Variants in CSMD1 observed in about 807,000 individuals in gnomAD.
CSMD1 encodes CUB and Sushi multiple domains 1, also known as CUB and sushi domain-containing protein 1.
In CSMD1, 213 loss-of-function variants were observed where a neutral mutation model predicts 417.5. That is an observed-to-expected ratio of 0.51 (90% CI 0.46 to 0.57). The LOEUF (loss-of-function observed/expected upper bound fraction) is 0.57, where lower values mean the gene tolerates loss of function less well. Among genes scored for constraint, CSMD1 ranks in the 20% least tolerant of loss-of-function variants. The pLI, the probability that CSMD1 is intolerant of heterozygous loss-of-function variation, is 0.00. For missense variants in CSMD1, 6,923 were observed against 4,529.7 expected, an observed-to-expected ratio of 1.53 and a Z score of -15.17; for synonymous variants, 2,862 against 1,736.8, an observed-to-expected ratio of 1.65 and a Z score of -16.11.
At chr8:4,553,138 G>A (rs1235852457) in intron 2 of CSMD1, among the ~76,000 whole-genome samples, 1 of 152,178 alleles carries the variant, frequency 6.6e-6, no homozygotes, top group African/African-American at 2.4e-5. Context: ...CGTACCTTGT[G>A]AACACCTCAC....
chr8:2,938,867 G>C (rs1801671874), intron 69 of CSMD1, 123 bp from the exon 70 acceptor site: 1 of 773,012 alleles, frequency 1.3e-6, no homozygotes, highest in Non-Finnish European at 2.1e-6. Flanking sequence ...CGTTTGCAAA[G>C]AAGGAAGGCA....
chr8:3,295,721 A>G (rs1584948165), intron 25 of CSMD1, among the ~76,000 whole-genome samples: 1 of 152,160 alleles, frequency 6.6e-6, no homozygotes, highest in East Asian at 1.9e-4. Context: ...TTATATCTTT[A>G]GGAATACCTG....
chr8:4,532,299 G>C (rs113521244), intron 2 of CSMD1, among the ~76,000 whole-genome samples: 58 of 134,182 alleles, frequency 4.3e-4, no homozygotes, highest in African/African-American at 1.5e-3. Context: ...CCCATTCACA[G>C]TCACTCCAGA....
intron 1 of CSMD1, among the ~76,000 whole-genome samples, chr8:4,928,779 T>TA (rs1325538338): frequency 1.3e-5 from 2 of 151,966 alleles, no homozygotes; most frequent in African/African-American, 4.8e-5. Flanking sequence ...GTAATTAAGT[T>TA]AAAATGAGGC....
At chr8:4,366,095 G>C (rs1281609218) in intron 3 of CSMD1, among the ~76,000 whole-genome samples, 1 of 151,958 alleles carries the variant, frequency 6.6e-6, no homozygotes. Context: ...TCCCCACTCA[G>C]GTAGTACCCG....
chr8:3,419,320 C>T (rs1387579375), intron 12 of CSMD1, among the ~76,000 whole-genome samples: 1 of 152,202 alleles, frequency 6.6e-6, no homozygotes, highest in African/African-American at 2.4e-5. Context: ...ATAAAACTAA[C>T]TCCACTGCCG....
intron 5 of CSMD1, among the ~76,000 whole-genome samples, chr8:3,872,882 A>G (rs1563164946): frequency 6.6e-6 from 1 of 152,182 alleles, no homozygotes; most frequent in African/African-American, 2.4e-5. Flanking sequence ...TGCATTAAAA[A>G]GTGGACAAAC....
chr8:4,392,121 C>G (rs888403504), intron 3 of CSMD1, among the ~76,000 whole-genome samples: 1 of 152,178 alleles, frequency 6.6e-6, no homozygotes, highest in African/African-American at 2.4e-5. Flanking sequence ...ATCTGTACAG[C>G]TGAGTCAAGT....
At chr8:4,125,275 C>T (rs1055652919) in intron 3 of CSMD1, among the ~76,000 whole-genome samples, 44 of 152,340 alleles carry the variant, frequency 2.9e-4, no homozygotes, top group African/African-American at 9.6e-4. Context: ...CCTCTGCTCA[C>T]TGAGATAAAT....
At chr8:3,153,701 C>T (rs1257233903) in intron 39 of CSMD1, among the ~76,000 whole-genome samples, 5 of 152,206 alleles carry the variant, frequency 3.3e-5, no homozygotes, top group Non-Finnish European at 5.9e-5. Context: ...GCAGGAGGGG[C>T]TGGCCCAGGA....
chr8:3,709,839 C>A (rs1251357754), intron 6 of CSMD1, among the ~76,000 whole-genome samples: 3 of 146,034 alleles, frequency 2.1e-5, no homozygotes, highest in South Asian at 4.7e-4. Context: ...TATAGTAAAT[C>A]TGTGTGTGTA....
At chr8:4,259,356 G>C (rs988626451) in intron 3 of CSMD1, among the ~76,000 whole-genome samples, 2 of 152,096 alleles carry the variant, frequency 1.3e-5, no homozygotes, top group African/African-American at 4.8e-5. Context: ...ACAGGAAAGC[G>C]AGCGGATCTC....
At chr8:3,661,376 G>A (rs1350710447) in intron 7 of CSMD1, among the ~76,000 whole-genome samples, 1 of 151,592 alleles carries the variant, frequency 6.6e-6, no homozygotes, top group Non-Finnish European at 1.5e-5. Context: ...ATTTCTGTAT[G>A]TTACTTCCCT....
chr8:3,101,751 C>T (rs563496197), intron 46 of CSMD1, among the ~76,000 whole-genome samples: 3 of 151,654 alleles, frequency 2.0e-5, no homozygotes, highest in African/African-American at 7.3e-5. Context: ...GAACAATGCA[C>T]TCTCCTTGTT....
chr8:3,760,266 C>T (rs1715186150), intron 5 of CSMD1, among the ~76,000 whole-genome samples: 1 of 152,106 alleles, frequency 6.6e-6, no homozygotes, highest in African/African-American at 2.4e-5. Context: ...CTGGTTGTTC[C>T]CACTTTTTTC....
chr8:3,529,280 G>C (rs758194140), intron 10 of CSMD1, among the ~76,000 whole-genome samples: 2 of 152,036 alleles, frequency 1.3e-5, no homozygotes, highest in African/African-American at 2.4e-5. Flanking sequence ...TGATTTTTTT[G>C]CATTAATTTG....
intron 3 of CSMD1, among the ~76,000 whole-genome samples, chr8:4,248,852 T>A (rs927751005): frequency 3.9e-5 from 6 of 152,064 alleles, no homozygotes. Flanking sequence ...AAACAATTGC[T>A]AACTCTCAAA....
At chr8:3,209,185 C>T (rs994260562) in intron 30 of CSMD1, among the ~76,000 whole-genome samples, 7 of 152,146 alleles carry the variant, frequency 4.6e-5, no homozygotes, top group Non-Finnish European at 1.0e-4. Context: ...GTCCGTTCTT[C>T]CTCAGATCAA....
At chr8:3,436,067 TCA>T (rs1814539112) in intron 12 of CSMD1, among the ~76,000 whole-genome samples, 1 of 152,134 alleles carries the variant, frequency 6.6e-6, no homozygotes, top group Non-Finnish European at 1.5e-5. Flanking sequence ...TTCCAGAGAC[TCA>T]CACTGCTGGT....
Sources: allele counts gnomAD v4.1 joint callset (sites outside exome capture counted in the v4.1 genomes callset), GRCh38; gene constraint gnomAD v4.1.1; transcripts MANE v1.5; gene names NCBI Gene and HGNC (gene_info 2026-07-23, HGNC 2026-07-21).